TMEM178B: variants seen among roughly 807,000 people sequenced by gnomAD.
TMEM178B encodes transmembrane protein 178B.
In TMEM178B, 5 loss-of-function variants were observed where a neutral mutation model predicts 31.0. The ratio of observed to expected loss-of-function variants is 0.16; its 90% confidence interval spans 0.08 to 0.34. TMEM178B has a LOEUF of 0.34. Ranked by LOEUF, TMEM178B falls within the 10% of genes least tolerant of loss-of-function variation. The pLI is 1.00. For missense variants in TMEM178B, 275 were observed against 400.3 expected, an observed-to-expected ratio of 0.69 and a Z score of 2.67; for synonymous variants, 164 against 164.0, an observed-to-expected ratio of 1.00 and a Z score of 0.00.
chr7:141,272,299 G>A (rs1250950988), intron 2 of TMEM178B, among the ~76,000 whole-genome samples: 1 of 152,196 alleles, frequency 6.6e-6, no homozygotes, highest in Non-Finnish European at 1.5e-5. Flanking sequence ...GCCATTACCT[G>A]TGAAGGCAGG....
chr7:141,236,388 A>C (rs1797527644), intron 2 of TMEM178B, among the ~76,000 whole-genome samples: 1 of 152,262 alleles, frequency 6.6e-6, no homozygotes, highest in Non-Finnish European at 1.5e-5. Context: ...AAGAATTCCC[A>C]ACAATCCTGA....
At chr7:141,188,970 C>T (rs1188570876) in intron 1 of TMEM178B, among the ~76,000 whole-genome samples, 1 of 152,234 alleles carries the variant, frequency 6.6e-6, no homozygotes, top group African/African-American at 2.4e-5. Context: ...TGGCCTGATG[C>T]TGAATTAGTT....
chr7:141,194,576 C>T (rs560235011), intron 1 of TMEM178B, among the ~76,000 whole-genome samples: 3 of 152,284 alleles, frequency 2.0e-5, no homozygotes, highest in South Asian at 2.1e-4. Context: ...ACAGCCTCCC[C>T]ACCAGCAGCT....
chr7:141,313,620 C>T (rs1798950433), intron 2 of TMEM178B, among the ~76,000 whole-genome samples: 1 of 152,134 alleles, frequency 6.6e-6, no homozygotes. Context: ...GCTTGGACTC[C>T]AAACACTGTA....
downstream of TMEM178B, among the ~76,000 whole-genome samples, chr7:141,482,518 G>C (rs1802495684): frequency 6.6e-6 from 1 of 152,138 alleles, no homozygotes; most frequent in Non-Finnish European, 1.5e-5. Flanking sequence ...TGCTCAACAG[G>C]TGCTTACTGG....
At chr7:141,264,962 A>G (rs1209847173) in intron 2 of TMEM178B, among the ~76,000 whole-genome samples, 2 of 152,230 alleles carry the variant, frequency 1.3e-5, no homozygotes, top group African/African-American at 4.8e-5. Context: ...CAACATTATC[A>G]CATTTAATTA....
chr7:141,387,737 C>T (rs550994212), intron 2 of TMEM178B, among the ~76,000 whole-genome samples: 33 of 152,276 alleles, frequency 2.2e-4, no homozygotes, highest in African/African-American at 7.7e-4. Context: ...CCTCCTGCTG[C>T]GCTTCCCTGT....
intron 1 of TMEM178B, among the ~76,000 whole-genome samples, chr7:141,122,917 A>T (rs1795433217): frequency 6.6e-6 from 1 of 152,218 alleles, no homozygotes; most frequent in African/African-American, 2.4e-5. Context: ...CAGGCGGATC[A>T]AGGCTACTGG....
chr7:141,159,620 A>G (rs1339467413), intron 1 of TMEM178B, among the ~76,000 whole-genome samples: 2 of 152,236 alleles, frequency 1.3e-5, no homozygotes, highest in African/African-American at 4.8e-5. Context: ...ATTCCATCTC[A>G]GAAACGAGGG....
intron 1 of TMEM178B, among the ~76,000 whole-genome samples, chr7:141,166,142 G>A (rs1796257042): frequency 6.6e-6 from 1 of 152,204 alleles, no homozygotes; most frequent in African/African-American, 2.4e-5. Context: ...CAGACTCTGG[G>A]CCAGTAGACC....
At chr7:141,484,423 A>G (rs1010418637), downstream of TMEM178B, among the ~76,000 whole-genome samples, 4 of 152,190 alleles carry the variant, frequency 2.6e-5, no homozygotes, top group Non-Finnish European at 5.9e-5. The surrounding 1 kb of genome is among the most constrained non-coding windows in gnomAD (Gnocchi z 4.8). Flanking sequence ...CTTAGGTCCA[A>G]CCTCAGATCT....
At chr7:141,304,308 G>T (rs929494108) in intron 2 of TMEM178B, among the ~76,000 whole-genome samples, 3 of 152,104 alleles carry the variant, frequency 2.0e-5, no homozygotes, top group African/African-American at 4.8e-5. Flanking sequence ...GGGGAAGGGG[G>T]TGGGCAGAGT....
intron 2 of TMEM178B, among the ~76,000 whole-genome samples, chr7:141,391,642 A>G (rs1800543662): frequency 6.6e-6 from 1 of 152,034 alleles, no homozygotes. Context: ...AGAACTTTTC[A>G]TCTTGCAAAT....
intron 2 of TMEM178B, among the ~76,000 whole-genome samples, chr7:141,404,364 A>T (rs1297586931): frequency 6.6e-6 from 1 of 152,182 alleles, no homozygotes; most frequent in Non-Finnish European, 1.5e-5. Context: ...TTATTCTCAC[A>T]GTTTTAGAGG....
intron 2 of TMEM178B, among the ~76,000 whole-genome samples, chr7:141,328,171 C>T (rs1799228686): frequency 6.6e-6 from 1 of 152,144 alleles, no homozygotes; most frequent in South Asian, 2.1e-4. Flanking sequence ...TATCTATTTT[C>T]CTTTCTGGTC....
intron 2 of TMEM178B, among the ~76,000 whole-genome samples, chr7:141,292,472 ATCTCCCT>A (rs1305453731): frequency 8.5e-5 from 13 of 152,134 alleles, no homozygotes. Flanking sequence ...TTGCAAGCTC[ATCTCCCT>A]GGGCAAGAAA....
intron 2 of TMEM178B, among the ~76,000 whole-genome samples, chr7:141,354,515 G>A (rs982709390): frequency 2.6e-5 from 4 of 152,206 alleles, no homozygotes; most frequent in African/African-American, 7.2e-5. Flanking sequence ...AGATGTTCAG[G>A]AGTCTGAGTG....
rs190133299 is a variant in TMEM178B at position 141,320,495 on chromosome 7, G to A, written c.496+107791G>A. 3.0e-3 allele frequency among the ~76,000 whole-genome samples: 452 copies of A among 152,246 alleles called. 2 individuals carry two copies. Among genetic ancestry groups the A allele is most frequent in the African/African-American group, 0.01 (433 of 41,532 alleles). On this transcript the variant is annotated intron_variant, in intron 2 of 3. Transcript: ENST00000565468. ...TCTGAGCCTTGTGAGTTCAAAGGCTGTGTCTTTCTACAGGCCTCAGTGTCT... is the reference window on the plus strand; with the variant it reads ...TCTGAGCCTTGTGAGTTCAAAGGCTATGTCTTTCTACAGGCCTCAGTGTCT...
At chr7:141,253,544 C>CTTTTTTTTTT (rs34199017) in intron 2 of TMEM178B, among the ~76,000 whole-genome samples, 11 of 70,038 alleles carry the variant, frequency 1.6e-4, no homozygotes, top group African/African-American at 3.3e-4. Context: ...ATTTTCCCTT[C>CTTTTTTTTTT]TTTTTTTTTT....
Sources: allele counts gnomAD v4.1 joint callset (sites outside exome capture counted in the v4.1 genomes callset), GRCh38; gene constraint gnomAD v4.1.1; non-coding constraint Gnocchi (gnomAD v3.1); transcripts MANE v1.5; gene names NCBI Gene and HGNC (gene_info 2026-07-23, HGNC 2026-07-21).